Variants in FER1L6 observed in about 807,000 individuals in gnomAD.
The protein encoded by FER1L6 is fer-1 like family member 6, also known as fer-1-like protein 6.
Under a neutral mutation model 219.2 loss-of-function variants are expected in FER1L6, and 177 were observed. That is an observed-to-expected ratio of 0.81 (90% confidence interval 0.71 to 0.91). The LOEUF (loss-of-function observed/expected upper bound fraction) is 0.91. FER1L6 is among the 40% of genes least tolerant of loss of function. FER1L6 has a pLI of 0.00. For missense variants in FER1L6, 2,153 were observed against 2,259.9 expected (o/e 0.95, Z 0.96); for synonymous variants, 768 against 824.3 (o/e 0.93, Z 1.17).
rs61303449 is a variant in FER1L6 at position 123,852,471 on chromosome 8, C to CGTGTGTGT, written c.-8+321_-8+328dup. Among the ~76,000 whole-genome samples the CGTGTGTGT allele has an allele frequency of 4.9e-3, 688 of 140,044 alleles. 3 individuals are homozygous for CGTGTGTGT. Among genetic ancestry groups the CGTGTGTGT allele is most frequent in the Non-Finnish European group, 5.2e-3 (337 of 64,980 alleles). 91.9% of individuals were successfully genotyped at this position (140,044 alleles called of 152,430 possible). On this transcript the variant is annotated intron_variant, in intron 1 of 40. Transcript: ENST00000522917. The surrounding 1 kb of genome is among the most constrained non-coding windows in gnomAD (Gnocchi z 4.9). ...GCTTGAACTCCATGTTGTGAGCATGCGTGTGTGTGTGTGTGTGTGTGTGTG... is the reference window on the plus strand; with the variant it reads ...GCTTGAACTCCATGTTGTGAGCATGCGTGTGTGTGTGTGTGTGTGTGTGTGTGTGTGTG...
intron 1 of FER1L6, among the ~76,000 whole-genome samples, chr8:123,955,386 CG>C (rs1814969995): frequency 6.6e-6 from 1 of 152,162 alleles, no homozygotes; most frequent in Admixed American, 6.5e-5. Flanking sequence ...CTGAGCTGTG[CG>C]CTTATGGTGA....
intron 1 of FER1L6, among the ~76,000 whole-genome samples, chr8:123,892,142 C>G (rs1178665805): frequency 6.6e-6 from 1 of 152,054 alleles, no homozygotes; most frequent in Non-Finnish European, 1.5e-5. Flanking sequence ...GTTTATAAGG[C>G]TCTATTAAAA....
chr8:124,003,144 T>C (rs1817492697), intron 12 of FER1L6, 23 bp from the exon 13 acceptor site: 1 of 1,607,978 alleles, frequency 6.2e-7, no homozygotes, highest in South Asian at 1.1e-5. Flanking sequence ...CTGACCCCTT[T>C]CCCCTTGCTA....
At chr8:123,946,372 C>T (rs1448325557) in intron 1 of FER1L6, among the ~76,000 whole-genome samples, 1 of 152,178 alleles carries the variant, frequency 6.6e-6, no homozygotes, top group Admixed American at 6.5e-5. Flanking sequence ...CTGCCTCAGT[C>T]TCCTGAGTAG....
chr8:124,112,885 G>T (rs572691824), intron 39 of FER1L6, among the ~76,000 whole-genome samples: 80 of 152,262 alleles, frequency 5.3e-4, no homozygotes, highest in African/African-American at 1.7e-3. Flanking sequence ...AAGATAGGGT[G>T]TATAATGTGA....
intron 21 of FER1L6, 94 bp downstream of exon 21, chr8:124,045,995 G>A (rs751232878): frequency 7.7e-5 from 113 of 1,471,136 alleles, no homozygotes; most frequent in East Asian, 1.6e-4. Flanking sequence ...AAGTCCTGAC[G>A]CTGTGAGTGG....
intron 18 of FER1L6, among the ~76,000 whole-genome samples, chr8:124,029,875 TTC>T (rs1280927349): frequency 2.6e-5 from 4 of 152,254 alleles, no homozygotes; most frequent in Non-Finnish European, 4.4e-5. Flanking sequence ...CTAGGTTTTC[TTC>T]TAGGATTTTT....
chr8:124,036,282 G>C (rs1819203501), intron 19 of FER1L6: 1 of 152,192 alleles, frequency 6.6e-6, no homozygotes, highest in Non-Finnish European at 1.5e-5. Flanking sequence ...AATCGAAGTT[G>C]CTCAATAGTC....
At chr8:123,856,340 A>G (rs1816649362) in intron 1 of FER1L6, among the ~76,000 whole-genome samples, 6 of 130,968 alleles carry the variant, frequency 4.6e-5, no homozygotes, top group African/African-American at 1.8e-4. Flanking sequence ...ATATATATAT[A>G]TATATATATT....
intron 1 of FER1L6, among the ~76,000 whole-genome samples, chr8:123,935,260 T>G (rs186744081): frequency 6.6e-6 from 1 of 152,334 alleles, no homozygotes; most frequent in African/African-American, 2.4e-5. Context: ...AATCCACTCT[T>G]ATTTATTTTG....
chr8:124,112,502 C>T (rs953297478), intron 39 of FER1L6, among the ~76,000 whole-genome samples: 1 of 152,092 alleles, frequency 6.6e-6, no homozygotes, highest in Non-Finnish European at 1.5e-5. Context: ...TATGCCTTAT[C>T]CCAAGTCATC....
chr8:123,878,558 T>G (rs1437311693), intron 1 of FER1L6, among the ~76,000 whole-genome samples: 1 of 152,202 alleles, frequency 6.6e-6, no homozygotes, highest in African/African-American at 2.4e-5. Flanking sequence ...AGGATTACCC[T>G]TAGTGCTCCC....
rs1051986112 is a variant in FER1L6 at position 123,988,448 on chromosome 8, A to G, written c.1519+2272A>G. On this transcript the variant is annotated intron_variant, in intron 12 of 40. Coordinates refer to ENST00000522917, the MANE Select transcript of FER1L6 (RefSeq NM_001039112.2). The stretch of plus-strand genomic sequence containing the variant: ...TGTTTTAACAATACTGATTCTTCCA[A>G]TCCATGAACATGGAATATGTCTCTC... Among the ~76,000 whole-genome samples, 10 of 152,292 alleles carry G rather than the reference A, an allele frequency of 6.6e-5. No individual in the cohort carries two copies. In the East Asian group the frequency reaches 1.9e-3, roughly 29 times the overall value.
Position 124,003,169 on chromosome 8 carries a change from A to G in FER1L6, c.1522A>G (p.Asn508Asp), listed in dbSNP as rs772965346. Residue 508 changes from asparagine to aspartate, a missense_variant and splice_region_variant, in exon 13 of 41, where the codon AAT becomes GAT. Coordinates refer to ENST00000522917, the MANE Select transcript of FER1L6 (RefSeq NM_001039112.2). ...TCCCCTTGCTACTGCCTCTGCAGGTAATTTTGGAAACCTGATTGATGGAGG... is the reference window on the plus strand; with the variant it reads ...TCCCCTTGCTACTGCCTCTGCAGGTGATTTTGGAAACCTGATTGATGGAGG... Reference protein sequence around the residue: ...KPISFEVSIGNFGNLIDGGSH... With the variant: ...KPISFEVSIGDFGNLIDGGSH... 25 of 1,613,290 alleles carry G rather than the reference A, an allele frequency of 1.5e-5. No homozygotes were observed. The highest frequency in any genetic ancestry group is 2.0e-5 in the Non-Finnish European group (24 of 1,179,488).
At chr8:123,993,850 G>A (rs544409002) in intron 12 of FER1L6, among the ~76,000 whole-genome samples, 2 of 152,324 alleles carry the variant, frequency 1.3e-5, no homozygotes, top group African/African-American at 4.8e-5. Flanking sequence ...ACCAGTACCA[G>A]TTCTAATGAG....
intron 1 of FER1L6, among the ~76,000 whole-genome samples, chr8:123,856,271 T>TGAGATATATGTATATAC (rs1816641700): frequency 1.5e-5 from 2 of 137,390 alleles, no homozygotes; most frequent in African/African-American, 5.4e-5. Context: ...TATATGTGTA[T>TGAGATATATGTATATAC]ATGTGTATAT....
At chr8:123,878,263 A>G (rs893887428) in intron 1 of FER1L6, among the ~76,000 whole-genome samples, 4 of 152,230 alleles carry the variant, frequency 2.6e-5, no homozygotes, top group Non-Finnish European at 4.4e-5. Flanking sequence ...TGGGGGACTC[A>G]TTGGAGACAT....
At chr8:123,858,417 G>A (rs910533507) in intron 1 of FER1L6, among the ~76,000 whole-genome samples, 5 of 152,198 alleles carry the variant, frequency 3.3e-5, no homozygotes, top group African/African-American at 4.8e-5. Flanking sequence ...GCTAGCTGCT[G>A]TAACAGATAT....
intron 1 of FER1L6, among the ~76,000 whole-genome samples, chr8:123,903,324 A>G (rs1812892281): frequency 6.6e-6 from 1 of 152,198 alleles, no homozygotes; most frequent in African/African-American, 2.4e-5. Flanking sequence ...TCCATTTACA[A>G]AATATAGTAA....
Sources: gnomAD v4.1 joint callset for allele counts (sites outside exome capture counted in the v4.1 genomes callset) on GRCh38, gnomAD v4.1.1 for gene constraint, Gnocchi (gnomAD v3.1) non-coding constraint, MANE v1.5 for transcripts, NCBI Gene and HGNC (gene_info 2026-07-23, HGNC 2026-07-21) for gene names.